LIN52: variants seen among roughly 807,000 people sequenced by gnomAD.
The protein encoded by LIN52 is protein lin-52 homolog.
Under a neutral mutation model 18.5 loss-of-function variants are expected in LIN52, and 4 were observed. That is an observed-to-expected ratio of 0.22 (90% CI 0.11 to 0.49). The LOEUF (loss-of-function observed/expected upper bound fraction) is 0.49, where lower values mean the gene tolerates loss of function less well. LIN52 is among the 20% of genes least tolerant of loss of function. The pLI is 0.97. For synonymous variants in LIN52, 34 were observed against 45.5 expected (o/e 0.75, Z 1.02); for missense variants, 102 against 139.5 (o/e 0.73, Z 1.35).
At chr14:74,188,723 A>G (rs1167186985) in intron 5 of LIN52, among the ~76,000 whole-genome samples, 1 of 152,162 alleles carries the variant, frequency 6.6e-6, no homozygotes, top group Admixed American at 6.6e-5. Flanking sequence ...CGTTATTCGA[A>G]TAGACAGGAG....
chr14:74,097,223 A>T (rs1037112888), intron 3 of LIN52, among the ~76,000 whole-genome samples: 2 of 152,224 alleles, frequency 1.3e-5, no homozygotes, highest in African/African-American at 4.8e-5. Context: ...CTAACTTGTT[A>T]GGCATAAATC....
intron 5 of LIN52, among the ~76,000 whole-genome samples, chr14:74,159,575 T>G (rs146694106): frequency 0.75 from 107,049 of 142,392 alleles, 40,212 homozygotes; most frequent in Admixed American, 0.8. Context: ...TTGTTTTTTT[T>G]TTTTTTTTTT....
At chr14:74,111,225 A>T (rs2060924772) in intron 5 of LIN52, among the ~76,000 whole-genome samples, 2 of 152,174 alleles carry the variant, frequency 1.3e-5, no homozygotes, top group Admixed American at 1.3e-4. Context: ...ATAAAATTCT[A>T]AACAGTTCTT....
intron 5 of LIN52, among the ~76,000 whole-genome samples, chr14:74,129,280 T>C (rs1452716209): frequency 6.6e-6 from 1 of 152,176 alleles, no homozygotes; most frequent in East Asian, 1.9e-4. Context: ...AATATATATT[T>C]AAATCTCAAT....
At chr14:74,178,427 G>T (rs1324094036) in intron 5 of LIN52, among the ~76,000 whole-genome samples, 1 of 151,648 alleles carries the variant, frequency 6.6e-6, no homozygotes, top group Non-Finnish European at 1.5e-5. Context: ...AGATTAGTGG[G>T]GACTTAATTA....
chr14:74,158,893 T>G (rs1026088662), intron 5 of LIN52, among the ~76,000 whole-genome samples: 4 of 152,200 alleles, frequency 2.6e-5, no homozygotes, highest in Admixed American at 6.5e-5. Context: ...TAACACAAAA[T>G]TTCAGAATTT....
intron 5 of LIN52, among the ~76,000 whole-genome samples, chr14:74,130,278 G>GTGTTTTTTTTTTTTTTTTTTTTTTTTTT (rs1566856480): frequency 6.2e-5 from 4 of 64,824 alleles, no homozygotes; most frequent in Non-Finnish European, 8.4e-5. Context: ...GCATTTTTTG[G>GTGTTTTTTTTTTTTTTTTTTTTTTTTTT]TTTTTTTTTT....
intron 5 of LIN52, among the ~76,000 whole-genome samples, chr14:74,150,731 G>C (rs553115939): frequency 4.0e-4 from 61 of 152,180 alleles, no homozygotes; most frequent in Non-Finnish European, 7.6e-4. Context: ...CACTCTAAGG[G>C]CTAATAGCCA....
At chr14:74,196,783 A>T (rs1345885677) in intron 5 of LIN52, among the ~76,000 whole-genome samples, 1 of 152,212 alleles carries the variant, frequency 6.6e-6, no homozygotes, top group Non-Finnish European at 1.5e-5. Context: ...GTTAATGATT[A>T]GCACTATACC....
intron 2 of LIN52, among the ~76,000 whole-genome samples, chr14:74,095,175 A>G (rs1413288231): frequency 4.0e-5 from 4 of 98,798 alleles, no homozygotes; most frequent in African/African-American, 1.3e-4. Context: ...TTTTTGAGAC[A>G]GGGTCTTCCT....
At position 74,199,446 on chromosome 14, in the gene LIN52, C is replaced by A. The variant is rs995824697; in HGVS notation, c.*469C>A. 1 of 153,800 alleles carries A rather than the reference C, an allele frequency of 6.5e-6. No individual in the cohort carries two copies. The highest frequency in any genetic ancestry group is 6.5e-5 in the Admixed American group (1 of 15,382). 9.5% of individuals were successfully genotyped at this position (153,800 alleles called of 1,614,324 possible). ...GAGACCAAGTAGATTCTGGACCAGA[C>A]CATGCAGCCTGACCTGTGAACTCTC... is the stretch of plus-strand genomic sequence containing the variant. On this transcript the variant is annotated 3_prime_UTR_variant, in exon 6 of 6. Transcript: ENST00000555028.
chr14:74,198,299 C>T (rs1044228637), intron 5 of LIN52, among the ~76,000 whole-genome samples: 4 of 152,034 alleles, frequency 2.6e-5, no homozygotes, highest in Admixed American at 6.6e-5. Context: ...TGCTGAAAGC[C>T]GGAGAAAGAC....
chr14:74,186,456 GC>G (rs1642233814), intron 5 of LIN52, among the ~76,000 whole-genome samples: 1 of 151,860 alleles, frequency 6.6e-6, no homozygotes, highest in South Asian at 2.1e-4. Context: ...ACTTCATGGA[GC>G]ATGAAAGTAA....
chr14:74,142,140 T>C (rs193093219), intron 5 of LIN52, among the ~76,000 whole-genome samples: 103 of 152,328 alleles, frequency 6.8e-4, no homozygotes, highest in African/African-American at 2.4e-3. Flanking sequence ...AGAGAATCTG[T>C]ATGCAAATTG....
At chr14:74,093,414 C>T (rs1298752372) in intron 2 of LIN52, among the ~76,000 whole-genome samples, 1 of 148,384 alleles carries the variant, frequency 6.7e-6, no homozygotes, top group African/African-American at 2.5e-5. Flanking sequence ...GCAACCTCTG[C>T]TTCCGGGTTC....
chr14:74,191,625 T>C (rs1417096201), intron 5 of LIN52, among the ~76,000 whole-genome samples: 1 of 151,790 alleles, frequency 6.6e-6, no homozygotes, highest in Non-Finnish European at 1.5e-5. Flanking sequence ...ACTGGGGTTT[T>C]TTTCTTTCTT....
intron 5 of LIN52, among the ~76,000 whole-genome samples, chr14:74,188,206 A>AATTT (rs2061348611): frequency 1.3e-5 from 2 of 152,180 alleles, no homozygotes; most frequent in African/African-American, 4.8e-5. Context: ...GCCACCCCTA[A>AATTT]CAATATTAAA....
chr14:74,131,475 C>T (rs1210616412), intron 5 of LIN52, among the ~76,000 whole-genome samples: 3 of 151,668 alleles, frequency 2.0e-5, no homozygotes, highest in Admixed American at 6.6e-5. Flanking sequence ...CCTGCCACCA[C>T]GACTGGCTAA....
At chr14:74,182,215 T>A (rs1264328894) in intron 5 of LIN52, among the ~76,000 whole-genome samples, 1 of 152,186 alleles carries the variant, frequency 6.6e-6, no homozygotes, top group African/African-American at 2.4e-5. Flanking sequence ...TTTTGCTGTG[T>A]TGCCCAGGCT....
Sources: gnomAD v4.1 joint callset for allele counts (sites outside exome capture counted in the v4.1 genomes callset) on GRCh38, gnomAD v4.1.1 for gene constraint, MANE v1.5 for transcripts, NCBI Gene and HGNC (gene_info 2026-07-23, HGNC 2026-07-21) for gene names.